Variants in PCDH9 observed in about 807,000 individuals in gnomAD.
PCDH9 encodes protocadherin 9, also known as protocadherin-9.
Under a neutral mutation model 70.6 loss-of-function variants are expected in PCDH9, and 24 were observed. The observed-to-expected ratio is 0.34, with a 90% CI of 0.25 to 0.48. PCDH9 has a LOEUF of 0.48. Among genes scored for constraint, PCDH9 ranks in the 20% least tolerant of loss-of-function variants. PCDH9 has a pLI of 0.99. For missense variants in PCDH9, 1,281 were observed against 1,503.6 expected (o/e 0.85, Z 2.45); for synonymous variants, 562 against 558.5 (o/e 1.01, Z -0.09).
At chr13:66,934,665 A>T (rs867284345) in intron 2 of PCDH9, among the ~76,000 whole-genome samples, 1 of 148,522 alleles carries the variant, frequency 6.7e-6, no homozygotes, top group Non-Finnish European at 1.5e-5. Flanking sequence ...TTTTATGAAG[A>T]TAACATTTCC....
chr13:66,466,633 C>T (rs1958518149), intron 4 of PCDH9, among the ~76,000 whole-genome samples: 3 of 152,070 alleles, frequency 2.0e-5, no homozygotes, highest in African/African-American at 7.2e-5. Context: ...TGAAAAGTCC[C>T]ACTTCCATCA....
At position 66,303,033 on chromosome 13, in the gene PCDH9, T is replaced by G. The variant is rs1321225067; in HGVS notation, c.*1622A>C. The G allele has an allele frequency of 6.6e-6, 1 of 152,524 alleles. No homozygotes were observed. Among genetic ancestry groups the G allele is most frequent in the Non-Finnish European group, 1.5e-5 (1 of 67,986 alleles). The allele number at this position is 152,524 out of a possible 1,614,324, so 9.4% of individuals were successfully genotyped here. A position where few individuals can be genotyped will look rare whatever the true frequency, so the allele number is the denominator to read the frequency against. ...CATTATACTGTGGAAAAATGTGAAC[T>G]GCTATTTACAAAGTAATTTTATTTT... On this transcript the variant is annotated 3_prime_UTR_variant, in exon 5 of 5. Transcript: ENST00000377865.
chr13:66,327,394 C>T (rs1955866991), intron 4 of PCDH9, among the ~76,000 whole-genome samples: 1 of 152,174 alleles, frequency 6.6e-6, no homozygotes, highest in Non-Finnish European at 1.5e-5. Context: ...ACCTCACCTC[C>T]ATAAATAGGA....
At chr13:67,208,510 T>C (rs904339701) in intron 2 of PCDH9, 3 of 152,084 alleles carry the variant, frequency 2.0e-5, no homozygotes, top group African/African-American at 4.8e-5. Flanking sequence ...TAATAAACAA[T>C]TTTGACCAAA....
chr13:66,518,627 T>G (rs1040365208), intron 4 of PCDH9, among the ~76,000 whole-genome samples: 1 of 152,110 alleles, frequency 6.6e-6, no homozygotes, highest in African/African-American at 2.4e-5. Flanking sequence ...GTTAGTTTAT[T>G]TACACTCTAG....
intron 4 of PCDH9, among the ~76,000 whole-genome samples, chr13:66,477,427 G>T (rs978581461): frequency 6.6e-6 from 1 of 152,098 alleles, no homozygotes; most frequent in South Asian, 2.1e-4. Context: ...TCTTTCATGT[G>T]AATTTATGCT....
intron 4 of PCDH9, among the ~76,000 whole-genome samples, chr13:66,551,193 A>T (rs1415199024): frequency 6.6e-6 from 1 of 152,134 alleles, no homozygotes; most frequent in Non-Finnish European, 1.5e-5. Flanking sequence ...TAACCTCCCT[A>T]AAACGACCTT....
At chr13:66,611,240 A>G (rs1334351177) in intron 4 of PCDH9, among the ~76,000 whole-genome samples, 1 of 152,190 alleles carries the variant, frequency 6.6e-6, no homozygotes, top group African/African-American at 2.4e-5. Context: ...CACAGAGACT[A>G]ACTGGCAAAT....
intron 4 of PCDH9, among the ~76,000 whole-genome samples, chr13:66,575,503 A>G (rs1315235257): frequency 6.6e-6 from 1 of 152,174 alleles, no homozygotes; most frequent in Non-Finnish European, 1.5e-5. Flanking sequence ...TAGAAGGTCC[A>G]CATGGCCCTG....
chr13:66,794,791 T>C (rs1003005483), intron 3 of PCDH9, among the ~76,000 whole-genome samples: 2 of 152,122 alleles, frequency 1.3e-5, no homozygotes, highest in African/African-American at 4.8e-5. Context: ...CAATATAAGA[T>C]CTTTTGCTCT....
At chr13:66,580,283 T>C (rs991610176) in intron 4 of PCDH9, among the ~76,000 whole-genome samples, 2 of 152,072 alleles carry the variant, frequency 1.3e-5, no homozygotes, top group African/African-American at 4.8e-5. Flanking sequence ...TATTGGCATA[T>C]ACAACTATTT....
At chr13:66,489,361 C>A (rs893050239) in intron 4 of PCDH9, among the ~76,000 whole-genome samples, 1 of 152,138 alleles carries the variant, frequency 6.6e-6, no homozygotes, top group Non-Finnish European at 1.5e-5. Flanking sequence ...ATCACCCAGG[C>A]TGGAGTGCAG....
At chr13:67,161,578 T>C (rs1292588325) in intron 2 of PCDH9, among the ~76,000 whole-genome samples, 1 of 151,896 alleles carries the variant, frequency 6.6e-6, no homozygotes, top group East Asian at 1.9e-4. Context: ...CCAAGAGGAG[T>C]AAGTTAGTTT....
intron 3 of PCDH9, among the ~76,000 whole-genome samples, chr13:66,692,967 T>C (rs1222460616): frequency 6.6e-6 from 1 of 152,062 alleles, no homozygotes; most frequent in East Asian, 1.9e-4. Flanking sequence ...AAACAATGGG[T>C]ACGATATATG....
In PCDH9 at chr13:66,429,140, CAGT is replaced by C. The variant is rs1277950172; in HGVS notation, c.3341-124115_3341-124113del. On this transcript the variant is annotated intron_variant, in intron 4 of 4. Transcript: ENST00000377865. ...TGCTTTGTGGCAAAATATGCTCATA[CAGT>C]AAAATTCACTCTGATACTGACTATT... Among the ~76,000 whole-genome samples, 38 of 151,928 alleles carry C rather than the reference CAGT, an allele frequency of 2.5e-4. 1 individual carries two copies. The highest frequency in any genetic ancestry group is 2.5e-3 in the Admixed American group (38 of 15,232).
intron 4 of PCDH9, among the ~76,000 whole-genome samples, chr13:66,333,172 T>C (rs1955973255): frequency 6.6e-6 from 1 of 152,148 alleles, no homozygotes; most frequent in Non-Finnish European, 1.5e-5. Context: ...GGAGCTTTTA[T>C]CTAAGGTAAG....
chr13:66,773,633 A>AAAAT (rs1262011779), intron 3 of PCDH9, among the ~76,000 whole-genome samples: 1 of 151,664 alleles, frequency 6.6e-6, no homozygotes, highest in Admixed American at 6.6e-5. Flanking sequence ...CCGTCTCAAA[A>AAAAT]AAATAAATAA....
chr13:67,144,612 T>C (rs77836759), intron 2 of PCDH9, among the ~76,000 whole-genome samples: 1 of 152,238 alleles, frequency 6.6e-6, no homozygotes, highest in East Asian at 1.9e-4. Flanking sequence ...GGATCCTAAA[T>C]CCCTGTATGA....
intron 3 of PCDH9, among the ~76,000 whole-genome samples, chr13:66,834,705 G>A (rs927315137): frequency 6.6e-6 from 1 of 152,140 alleles, no homozygotes; most frequent in Non-Finnish European, 1.5e-5. Context: ...TTGTGTTTCA[G>A]CTAGAACACT....
Sources: allele counts gnomAD v4.1 joint callset (sites outside exome capture counted in the v4.1 genomes callset), GRCh38; gene constraint gnomAD v4.1.1; transcripts MANE v1.5; gene names NCBI Gene and HGNC (gene_info 2026-07-23, HGNC 2026-07-21).